Variants in MDM4 observed in about 807,000 individuals in gnomAD.
The protein encoded by MDM4 is protein Mdm4.
MDM4 carries 2 observed loss-of-function variants against 60.2 expected under a neutral mutation model. The ratio of observed to expected loss-of-function variants is 0.03; its 90% CI spans 0.01 to 0.10. The LOEUF is 0.10. MDM4 is among the 10% of genes least tolerant of loss of function. The pLI, the probability that MDM4 is intolerant of heterozygous loss-of-function variation, is 1.00. For missense variants in MDM4, 447 were observed against 577.5 expected, an observed-to-expected ratio of 0.77 and a Z score of 2.32; for synonymous variants, 202 against 198.1, an observed-to-expected ratio of 1.02 and a Z score of -0.17.
intron 4 of MDM4, 64 bp from the exon 5 acceptor site, chr1:204,532,127 A>G (rs1283110338): frequency 1.0e-6 from 1 of 972,318 alleles, no homozygotes; most frequent in African/African-American, 1.6e-5. Context: ...ATTTAACGGC[A>G]AACCACTGAT....
At chr1:204,541,176 A>G (rs920024240) in intron 7 of MDM4, among the ~76,000 whole-genome samples, 1 of 152,062 alleles carries the variant, frequency 6.6e-6, no homozygotes, top group Non-Finnish European at 1.5e-5. Context: ...TAGAAAATCA[A>G]GGCTGGGCAT....
chr1:204,529,454 T>C, intron 3 of MDM4: 2 of 1,517,230 alleles, frequency 1.3e-6, no homozygotes, highest in Non-Finnish European at 1.8e-6. Context: ...TACCATCATT[T>C]GGTCCTCCTG....
At position 204,530,783 on chromosome 1, in the gene MDM4, C is replaced by T; in HGVS notation, c.253C>T (p.Leu85=). 6.2e-7 allele frequency: 1 copy of T among 1,613,958 alleles called. No individual in the cohort carries two copies. Among genetic ancestry groups the T allele is most frequent in the Non-Finnish European group, 8.5e-7 (1 of 1,179,962 alleles). Reference sequence around the variant, plus strand: ...TGGTGGAGATCTTTTGGGAGAACTACTGGGACGTCAGAGCTTCTCCGTGAA... The same window carrying T: ...TGGTGGAGATCTTTTGGGAGAACTATTGGGACGTCAGAGCTTCTCCGTGAA... The part of the protein sequence containing the change: ...YCGGDLLGEL[L]GRQSFSVKDP... The change falls in exon 4 of 11, where the codon CTG becomes TTG. Residue 85 remains leucine, a synonymous_variant. Coordinates refer to ENST00000367182, the MANE Select transcript of MDM4 (RefSeq NM_002393.5).
In MDM4 at chr1:204,555,101, AC is replaced by A; in HGVS notation, c.*5420del. 1 of 203,932 alleles carries A rather than the reference AC, an allele frequency of 4.9e-6. No homozygotes were observed. The highest frequency in any genetic ancestry group is 1.0e-5 in the Non-Finnish European group (1 of 99,994). The allele number at this position is 203,932 out of a possible 1,614,324, so 12.6% of individuals were successfully genotyped here. A position where few individuals can be genotyped will look rare whatever the true frequency, so the allele number is the denominator to read the frequency against. On this transcript the variant is annotated 3_prime_UTR_variant, in exon 11 of 11. Coordinates refer to ENST00000367182, the MANE Select transcript of MDM4 (RefSeq NM_002393.5). Reference sequence around the variant, plus strand: ...TCCCCTGCAGGTTGTTTTCCTTCTTACGATCCTCATTGAATCCCCTCTGGGA... The same window carrying A: ...TCCCCTGCAGGTTGTTTTCCTTCTTAGATCCTCATTGAATCCCCTCTGGGA...
chr1:204,546,657 A>G, intron 9 of MDM4, 140 bp from the exon 10 acceptor site: 1 of 588,704 alleles, frequency 1.7e-6, no homozygotes, highest in Non-Finnish European at 3.0e-6. Context: ...TTGGTCTTGC[A>G]TTTAAGCTGT....
At chr1:204,534,583 G>A (rs1475281474) in intron 5 of MDM4, among the ~76,000 whole-genome samples, 1 of 152,090 alleles carries the variant, frequency 6.6e-6, no homozygotes, top group East Asian at 1.9e-4. Flanking sequence ...CGCCTCCGTG[G>A]CACAAGCAGT....
In MDM4 at chr1:204,546,840, C is replaced by T; in HGVS notation, c.866C>T (p.Ser289Phe). The change falls in exon 10 of 11, where the codon TCC becomes TTC. Residue 289 changes from serine (S) to phenylalanine (F), a missense_variant. Around this residue, in one of 8 missense-constraint regions of MDM4, gnomAD observed 184 missense variants for 179.3 expected, o/e 1.03. Transcript: ENST00000367182. ...GKNDDLEDSK[S>F]LSDDTDVEVT... ...AATGATGACCTGGAGGACTCTAAGTCCTTAAGTGATGATACCGATGTAGAG... is the reference window on the plus strand; with the variant it reads ...AATGATGACCTGGAGGACTCTAAGTTCTTAAGTGATGATACCGATGTAGAG... 1.2e-6 allele frequency: 2 copies of T among 1,613,174 alleles called. No individual in the cohort carries two copies. The highest frequency in any genetic ancestry group is 1.3e-5 in the African/African-American group (1 of 74,980).
chr1:204,557,617 G>A lies in MDM4; in HGVS notation c.*7935G>A, dbSNP rs186938740. On this transcript the variant is annotated 3_prime_UTR_variant, in exon 11 of 11. Coordinates refer to ENST00000367182, the MANE Select transcript of MDM4 (RefSeq NM_002393.5). ...GGGTTTCACCATGTTGGCCAGGCTG[G>A]TCTTGAACTCCTGACCTCAGGCGAT... is the stretch of plus-strand genomic sequence containing the variant. The A allele has an allele frequency of 1.1e-5, 2 of 174,674 alleles. No individual in the cohort carries two copies. Among genetic ancestry groups the A allele is most frequent in the Non-Finnish European group, 2.5e-5 (2 of 81,040 alleles). The allele number at this position is 174,674 out of a possible 1,614,324, so 10.8% of individuals were successfully genotyped here. A position where few individuals can be genotyped will look rare whatever the true frequency, so the allele number is the denominator to read the frequency against.
rs1663012151 is a variant in MDM4 at position 204,549,641 on chromosome 1, A to G, written c.1432A>G (p.Lys478Glu). Reference sequence around the variant, plus strand: ...GGCTGGGGCTTCATGCCCTATTTGCAAGAAAGAGATTCAGCTGGTTATTAA... The same window carrying G: ...GGCTGGGGCTTCATGCCCTATTTGCGAGAAAGAGATTCAGCTGGTTATTAA... The part of the protein sequence containing the change: ...KKAGASCPIC[K>E]KEIQLVIKVF... Residue 478 changes from lysine (K) to glutamate (E), a missense_variant, in exon 11 of 11, where the codon AAG becomes GAG. Transcript: ENST00000367182. The G allele has an allele frequency of 1.3e-6, 2 of 1,582,468 alleles. No homozygotes were observed. The highest frequency in any genetic ancestry group is 1.7e-6 in the Non-Finnish European group (2 of 1,170,520).
intron 4 of MDM4, 38 bp from the exon 5 acceptor site, chr1:204,532,153 T>G: frequency 8.2e-7 from 1 of 1,223,602 alleles, no homozygotes; most frequent in Non-Finnish European, 1.2e-6. Context: ...CATAGTGGCA[T>G]TTGGGGTTGT....
chr1:204,539,930 AT>A (rs1172092475), intron 7 of MDM4, among the ~76,000 whole-genome samples: 1 of 152,156 alleles, frequency 6.6e-6, no homozygotes, highest in East Asian at 1.9e-4. Context: ...GCACGGAATT[AT>A]TTAAAATATT....
At chr1:204,528,271 A>G (rs1045911640) in intron 3 of MDM4, among the ~76,000 whole-genome samples, 5 of 152,156 alleles carry the variant, frequency 3.3e-5, no homozygotes, top group Non-Finnish European at 2.9e-5. Flanking sequence ...AGCCTGGCCA[A>G]AGATGCCCAG....
intron 5 of MDM4, among the ~76,000 whole-genome samples, chr1:204,536,370 A>G (rs1398973892): frequency 6.6e-6 from 1 of 152,364 alleles, no homozygotes; most frequent in East Asian, 1.9e-4. Context: ...TGTCCACAAA[A>G]ATGTTTCTGG....
intron 3 of MDM4, chr1:204,528,855 C>A: frequency 6.4e-7 from 1 of 1,560,350 alleles, no homozygotes; most frequent in Non-Finnish European, 8.8e-7. Context: ...TCATAGCATC[C>A]GAGCTGTCAT....
chr1:204,552,872 C>CTTTTTTTTTTTT lies in MDM4; in HGVS notation c.*3195_*3206dup, dbSNP rs71147703. On this transcript the variant is annotated 3_prime_UTR_variant, in exon 11 of 11. Transcript: ENST00000367182. ...AACTTTAAACTATTTCTTTTCTTTT[C>CTTTTTTTTTTTT]TTTTTTTTTTTTTTTTACTTGAGAT... is the stretch of plus-strand genomic sequence containing the variant. 2.5e-4 allele frequency: 33 copies of CTTTTTTTTTTTT among 133,510 alleles called. No homozygotes were observed. The highest frequency in any genetic ancestry group is 7.3e-4 in the South Asian group (3 of 4,084). The allele number at this position is 133,510 out of a possible 1,614,324, so 8.3% of individuals were successfully genotyped here. A position where few individuals can be genotyped will look rare whatever the true frequency, so the allele number is the denominator to read the frequency against.
intron 3 of MDM4, among the ~76,000 whole-genome samples, chr1:204,528,600 C>T (rs542522114): frequency 1.3e-5 from 2 of 152,160 alleles, no homozygotes; most frequent in Non-Finnish European, 2.9e-5. Flanking sequence ...TCATGGCCGT[C>T]GGGACATTCA....
At position 204,539,422 on chromosome 1, in the gene MDM4, G is replaced by A. The variant is rs576054881; in HGVS notation, c.511+1114G>A. On this transcript the variant is annotated intron_variant, in intron 7 of 10. Coordinates refer to ENST00000367182, the MANE Select transcript of MDM4 (RefSeq NM_002393.5). ...TTGAGCATTCTCAATTTGAAAGATT[G>A]TAATGCTCTTTTAGCAACTCATGAG... Among the ~76,000 whole-genome samples, 20 of 152,064 alleles carry A rather than the reference G, an allele frequency of 1.3e-4. No homozygotes were observed. In the East Asian group the frequency reaches 3.3e-3, roughly 25 times the overall value.
At chr1:204,524,716 A>T (rs7556655) in intron 1 of MDM4, among the ~76,000 whole-genome samples, 1 of 152,134 alleles carries the variant, frequency 6.6e-6, no homozygotes. Flanking sequence ...AGCAGAGGTT[A>T]CAGTGAGCCG....
chr1:204,545,835 G>A lies in MDM4; in HGVS notation c.823-962G>A, dbSNP rs181156546. Among the ~76,000 whole-genome samples, 7 of 152,208 alleles carry A rather than the reference G, an allele frequency of 4.6e-5. No individual in the cohort carries two copies. The East Asian group carries it at 5.8e-4, about 13-fold the overall frequency. ...TGCAGCCATACCTGGCCTAGGAAACGTCTATAGAGAGAGATGGGACTTAAA... is the reference window on the plus strand; with the variant it reads ...TGCAGCCATACCTGGCCTAGGAAACATCTATAGAGAGAGATGGGACTTAAA... On this transcript the variant is annotated intron_variant, in intron 9 of 10. Transcript: ENST00000367182.
Sources: allele counts gnomAD v4.1 joint callset (sites outside exome capture counted in the v4.1 genomes callset), GRCh38; gene constraint gnomAD v4.1.1; regional missense constraint gnomAD v4.1.1; transcripts MANE v1.5; gene names NCBI Gene and HGNC (gene_info 2026-07-23, HGNC 2026-07-21).